Variants in SPPL3 observed in about 807,000 individuals in gnomAD.
The protein encoded by SPPL3 is signal peptide peptidase-like 3.
Under a neutral mutation model 42.4 loss-of-function variants are expected in SPPL3, and 5 were observed. The observed-to-expected ratio is 0.12, with a 90% CI of 0.06 to 0.25. The LOEUF is 0.25. SPPL3 is among the 10% of genes least tolerant of loss of function. The pLI is 1.00. For synonymous variants in SPPL3, 195 were observed against 181.8 expected, an observed-to-expected ratio of 1.07 and a Z score of -0.58; for missense variants, 235 against 489.0, an observed-to-expected ratio of 0.48 and a Z score of 4.90.
chr12:120,767,614 T>C lies in SPPL3; in HGVS notation c.774-21A>G, dbSNP rs201613432. 7.4e-6 allele frequency: 12 copies of C among 1,612,774 alleles called. No individual in the cohort carries two copies. The African/African-American group carries it at 1.6e-4, about 22-fold the overall frequency. ...TGGAGCTGGAATGCAGTTTCACAGG[T>C]TAGTGACGTCACACTCTACAATCCA... On this transcript the variant is annotated intron_variant, in intron 8 of 10. Transcript: ENST00000353487.
At chr12:120,795,220 T>G (rs1332863835) in intron 2 of SPPL3, among the ~76,000 whole-genome samples, 1 of 152,212 alleles carries the variant, frequency 6.6e-6, no homozygotes, top group Non-Finnish European at 1.5e-5. Flanking sequence ...TAGCTGGGAT[T>G]ACAGGTACAC....
intron 1 of SPPL3, among the ~76,000 whole-genome samples, chr12:120,853,384 G>C (rs1196064123): frequency 6.6e-6 from 1 of 152,132 alleles, no homozygotes; most frequent in African/African-American, 2.4e-5. Context: ...CTGCCCAAAG[G>C]AATTGCACTT....
intron 6 of SPPL3, among the ~76,000 whole-genome samples, chr12:120,781,377 T>C (rs1869530680): frequency 6.6e-6 from 1 of 152,086 alleles, no homozygotes; most frequent in Non-Finnish European, 1.5e-5. Context: ...TTAAAAAGGA[T>C]ATGATATACT....
At chr12:120,806,175 A>C (rs1297383456) in intron 2 of SPPL3, among the ~76,000 whole-genome samples, 1 of 149,334 alleles carries the variant, frequency 6.7e-6, no homozygotes, top group Non-Finnish European at 1.5e-5. Context: ...AGACCTAATA[A>C]CTATCTTTAC....
chr12:120,844,014 T>C (rs1001289372), intron 1 of SPPL3, among the ~76,000 whole-genome samples: 2 of 152,220 alleles, frequency 1.3e-5, no homozygotes, highest in Non-Finnish European at 2.9e-5. Context: ...ATTTGTTCTC[T>C]GCTGCTTAAT....
At chr12:120,887,842 T>C (rs1787890482) in intron 1 of SPPL3, among the ~76,000 whole-genome samples, 1 of 152,130 alleles carries the variant, frequency 6.6e-6, no homozygotes, top group East Asian at 1.9e-4. Context: ...AGGATAGCTA[T>C]AATTTAAAAG....
Position 120,834,101 on chromosome 12 carries a change from G to A in SPPL3, c.24-23215C>T, listed in dbSNP as rs143936411. ...GGCCTGTAAGTTCTTCCTAGCCAAC[G>A]AGTTCACAGTTAGAACCAGTTTTAC... On this transcript the variant is annotated intron_variant, in intron 1 of 10. Transcript: ENST00000353487. Among the ~76,000 whole-genome samples the A allele has an allele frequency of 7.8e-4, 119 of 152,230 alleles. 1 individual carries two copies. Among genetic ancestry groups the A allele is most frequent in the Non-Finnish European group, 1.4e-3 (96 of 68,008 alleles).
At chr12:120,860,233 G>A (rs1486405594) in intron 1 of SPPL3, among the ~76,000 whole-genome samples, 1 of 152,114 alleles carries the variant, frequency 6.6e-6, no homozygotes, top group African/African-American at 2.4e-5. Context: ...TCACTGAGTA[G>A]GGTCTTTAAG....
intron 3 of SPPL3, among the ~76,000 whole-genome samples, chr12:120,786,933 T>A (rs964083458): frequency 2.0e-5 from 3 of 152,210 alleles, no homozygotes; most frequent in Non-Finnish European, 4.4e-5. Flanking sequence ...TGCATTATCT[T>A]TAAGGCAAAA....
At chr12:120,765,807 G>A (rs897386428) in intron 10 of SPPL3, among the ~76,000 whole-genome samples, 6 of 152,140 alleles carry the variant, frequency 3.9e-5, no homozygotes, top group Non-Finnish European at 8.8e-5. Context: ...TCTGTAAAAC[G>A]GGGCTGAGAA....
At chr12:120,862,051 C>T (rs1017447818) in intron 1 of SPPL3, among the ~76,000 whole-genome samples, 14 of 152,068 alleles carry the variant, frequency 9.2e-5, no homozygotes, top group Non-Finnish European at 1.9e-4. Flanking sequence ...CCACAGTGTC[C>T]AGAGAAGTAG....
chr12:120,792,465 C>A (rs767086323), intron 2 of SPPL3, among the ~76,000 whole-genome samples: 1 of 151,646 alleles, frequency 6.6e-6, no homozygotes, highest in Non-Finnish European at 1.5e-5. Context: ...ACTTTGGGAG[C>A]CCCAGGCGGG....
chr12:120,793,429 A>G (rs1057373001), intron 2 of SPPL3, among the ~76,000 whole-genome samples: 3 of 152,200 alleles, frequency 2.0e-5, no homozygotes, highest in Admixed American at 6.5e-5. Flanking sequence ...CAGGAGGTCA[A>G]GGCTGATGGC....
intron 2 of SPPL3, among the ~76,000 whole-genome samples, chr12:120,806,282 C>T (rs541006230): frequency 1.6e-4 from 24 of 151,444 alleles, no homozygotes; most frequent in Non-Finnish European, 3.4e-4. Context: ...ACCATAACCC[C>T]AAACACCTGG....
At chr12:120,898,641 AG>A (rs1390027093) in intron 1 of SPPL3, among the ~76,000 whole-genome samples, 1 of 152,098 alleles carries the variant, frequency 6.6e-6, no homozygotes, top group African/African-American at 2.4e-5. Context: ...AGGCTAATAC[AG>A]GAACTCAAGC....
intron 1 of SPPL3, among the ~76,000 whole-genome samples, chr12:120,890,956 T>G (rs1301705779): frequency 1.3e-5 from 2 of 152,196 alleles, no homozygotes; most frequent in African/African-American, 4.8e-5. Context: ...CATTATCAAC[T>G]TGGTAAATCT....
At chr12:120,863,929 T>C (rs73413868) in intron 1 of SPPL3, among the ~76,000 whole-genome samples, 62,305 of 151,492 alleles carry the variant, frequency 0.41, 14,411 homozygotes, top group Middle Eastern at 0.56. Flanking sequence ...CCTCCCACCT[T>C]GGCCTCCCAA....
intron 1 of SPPL3, among the ~76,000 whole-genome samples, chr12:120,841,439 T>C (rs1382809451): frequency 6.6e-6 from 1 of 152,064 alleles, no homozygotes; most frequent in African/African-American, 2.4e-5. Flanking sequence ...TATATATATA[T>C]ATATGCACAA....
At chr12:120,791,717 C>T in intron 2 of SPPL3, 160 bp from the exon 3 acceptor site, 1 of 573,776 alleles carries the variant, frequency 1.7e-6, no homozygotes, top group South Asian at 2.0e-5. Flanking sequence ...AAACAATCTT[C>T]AGTCCTTCCA....
Sources: allele counts gnomAD v4.1 joint callset (sites outside exome capture counted in the v4.1 genomes callset), GRCh38; gene constraint gnomAD v4.1.1; transcripts MANE v1.5; gene names NCBI Gene and HGNC (gene_info 2026-07-23, HGNC 2026-07-21).